The following CES1 variants were observed in gnomAD, a reference collection of about 807,000 sequenced individuals.
CES1 encodes the protein carboxylesterase 1, also known as liver carboxylesterase 1.
In CES1, 50 loss-of-function variants were observed where a neutral mutation model predicts 53.0. That is an observed-to-expected ratio of 0.94 (90% CI 0.75 to 1.19). The LOEUF (loss-of-function observed/expected upper bound fraction) is 1.19. Ranked by LOEUF, CES1 falls within the 50% of genes most tolerant of loss-of-function variation. The pLI is 0.00. For missense variants in CES1, 534 were observed against 538.0 expected (o/e 0.99, Z 0.07); for synonymous variants, 202 against 210.1 (o/e 0.96, Z 0.33).
intron 1 of CES1, among the ~76,000 whole-genome samples, chr16:55,830,622 G>T (rs1427758489): frequency 6.6e-6 from 1 of 152,044 alleles, no homozygotes; most frequent in African/African-American, 2.4e-5. Context: ...GGCCAACATG[G>T]TGAAACCCCC....
At chr16:55,817,322 T>A (rs759053486) in intron 7 of CES1, among the ~76,000 whole-genome samples, 1 of 152,208 alleles carries the variant, frequency 6.6e-6, no homozygotes. Context: ...CAGAGAATGG[T>A]AGATTCTCAA....
intron 7 of CES1, among the ~76,000 whole-genome samples, chr16:55,818,681 G>A (rs1597077228): frequency 6.6e-6 from 1 of 151,932 alleles, no homozygotes; most frequent in East Asian, 1.9e-4. Context: ...TGAGAGCAGG[G>A]ACTATGTCCA....
chr16:55,832,430 T>C (rs2032718879), intron 1 of CES1, among the ~76,000 whole-genome samples: 1 of 152,138 alleles, frequency 6.6e-6, no homozygotes, highest in Non-Finnish European at 1.5e-5. Context: ...ATCCATCCCT[T>C]TTTCGTGCTT....
intron 1 of CES1, among the ~76,000 whole-genome samples, chr16:55,830,560 TG>T (rs1188430974): frequency 6.6e-6 from 1 of 152,170 alleles, no homozygotes; most frequent in East Asian, 1.9e-4. Context: ...CCCAGCACTT[TG>T]GGAGGCCAAG....
chr16:55,819,855 T>G, intron 6 of CES1: 1 of 641,358 alleles, frequency 1.6e-6, no homozygotes, highest in Non-Finnish European at 2.8e-6. Flanking sequence ...ATCTCTCATC[T>G]CTGCTACCTT....
intron 11 of CES1, among the ~76,000 whole-genome samples, chr16:55,808,513 A>T (rs2031535600): frequency 6.6e-6 from 1 of 152,228 alleles, no homozygotes; most frequent in South Asian, 2.1e-4. Context: ...ATCCCAAATG[A>T]GAAAGAGAAT....
intron 4 of CES1, among the ~76,000 whole-genome samples, chr16:55,821,831 C>T (rs1294752677): frequency 2.0e-5 from 3 of 152,032 alleles, no homozygotes; most frequent in African/African-American, 7.3e-5. Context: ...AGCAGATAAA[C>T]AGATACATAG....
At chr16:55,820,507 T>A (rs1359020885) in intron 5 of CES1, 28 bp from the exon 6 acceptor site, 6 of 1,601,306 alleles carry the variant, frequency 3.7e-6, no homozygotes, top group African/African-American at 1.4e-5. Flanking sequence ...GGGAGGAGAG[T>A]TCATGCTCAG....
chr16:55,817,012 A>G, intron 7 of CES1, 50 bp from the exon 8 acceptor site: 1 of 1,605,976 alleles, frequency 6.2e-7, no homozygotes, highest in Non-Finnish European at 8.5e-7. Context: ...CCAGGAGAAC[A>G]CTGAGCTGGG....
At chr16:55,815,069 G>T (rs1265876583) in intron 8 of CES1, among the ~76,000 whole-genome samples, 3 of 152,230 alleles carry the variant, frequency 2.0e-5, no homozygotes, top group African/African-American at 7.2e-5. Context: ...GGTGAGGAAA[G>T]GAGTGAGAAT....
At chr16:55,811,218 A>AC (rs2031683820) in intron 9 of CES1, among the ~76,000 whole-genome samples, 1 of 151,292 alleles carries the variant, frequency 6.6e-6, no homozygotes, top group Non-Finnish European at 1.5e-5. Context: ...TACAAAAAAA[A>AC]AAAACAAAAA....
At chr16:55,823,035 C>G (rs182646287) in intron 4 of CES1, among the ~76,000 whole-genome samples, 2 of 152,034 alleles carry the variant, frequency 1.3e-5, no homozygotes, top group African/African-American at 4.8e-5. Context: ...AGAAAATGAG[C>G]TGAGTGGGTC....
At chr16:55,810,455 G>A in intron 11 of CES1, 62 bp downstream of exon 11, 3 of 1,601,894 alleles carry the variant, frequency 1.9e-6, no homozygotes, top group African/African-American at 1.3e-5. Flanking sequence ...CTGGGAGGTA[G>A]GTGGGTCAGA....
chr16:55,821,784 A>G (rs574693042), intron 4 of CES1, among the ~76,000 whole-genome samples: 57 of 152,308 alleles, frequency 3.7e-4, no homozygotes, highest in African/African-American at 1.3e-3. Context: ...AAACAGGCAA[A>G]ACCTGTGATG....
chr16:55,826,854 A>G (rs1359115691), intron 2 of CES1, among the ~76,000 whole-genome samples: 1 of 152,208 alleles, frequency 6.6e-6, no homozygotes, highest in Non-Finnish European at 1.5e-5. Flanking sequence ...TCAAGGATGC[A>G]ACATAGATGA....
At chr16:55,824,124 A>G (rs556249997) in intron 3 of CES1, among the ~76,000 whole-genome samples, 1 of 152,250 alleles carries the variant, frequency 6.6e-6, no homozygotes, top group East Asian at 1.9e-4. Flanking sequence ...TTCTCTGTGC[A>G]TGAATGATTG....
chr16:55,830,152 A>G (rs28616849), intron 1 of CES1, among the ~76,000 whole-genome samples: 3 of 152,248 alleles, frequency 2.0e-5, no homozygotes, highest in African/African-American at 7.2e-5. Context: ...TTTGGTCTTA[A>G]AGGGGAATAT....
chr16:55,819,124 C>A (rs1315287575), intron 7 of CES1, among the ~76,000 whole-genome samples: 6 of 152,156 alleles, frequency 3.9e-5, no homozygotes, highest in Non-Finnish European at 8.8e-5. Context: ...AAAACTGGAC[C>A]ACCACTAGGT....
At chr16:55,830,524 A>T (rs1235171157) in intron 1 of CES1, among the ~76,000 whole-genome samples, 5 of 152,168 alleles carry the variant, frequency 3.3e-5, no homozygotes, top group African/African-American at 1.2e-4. Context: ...AGACTTGGAG[A>T]CCAGGCACAG....
Sources: gnomAD v4.1 joint callset for allele counts (sites outside exome capture counted in the v4.1 genomes callset) on GRCh38, gnomAD v4.1.1 for gene constraint, MANE v1.5 for transcripts, NCBI Gene and HGNC (gene_info 2026-07-23, HGNC 2026-07-21) for gene names.